The following SELP variants were observed in gnomAD, a reference collection of about 807,000 sequenced individuals.
The protein encoded by SELP is selectin P, also known as P-selectin.
A neutral mutation model predicts 104.1 loss-of-function variants in SELP; 92 were observed. The observed-to-expected ratio is 0.88, with a 90% confidence interval of 0.75 to 1.05. SELP has a LOEUF of 1.05. SELP is among the 50% of genes least tolerant of loss of function. The pLI is 0.00. For synonymous variants in SELP, 397 were observed against 364.5 expected (o/e 1.09, Z -1.01); for missense variants, 1,022 against 1,017.3 (o/e 1.00, Z -0.06).
At chr1:169,621,492 C>T (rs1268962475) in intron 1 of SELP, among the ~76,000 whole-genome samples, 1 of 145,796 alleles carries the variant, frequency 6.9e-6, no homozygotes, top group Non-Finnish European at 1.5e-5. Context: ...ATGTAGGGTG[C>T]ATGGGACAGT....
At chr1:169,620,699 A>C (rs1248306120) in intron 1 of SELP, among the ~76,000 whole-genome samples, 1 of 151,494 alleles carries the variant, frequency 6.6e-6, no homozygotes, top group Admixed American at 6.6e-5. Context: ...CCAGTGATGG[A>C]TGATGTAGCG....
chr1:169,611,253 G>C (rs1374790034), intron 7 of SELP, among the ~76,000 whole-genome samples: 1 of 152,138 alleles, frequency 6.6e-6, no homozygotes, highest in Non-Finnish European at 1.5e-5. Flanking sequence ...GAAGCTCTAT[G>C]CTAGGTACTT....
chr1:169,619,272 C>A (rs1407659888), intron 1 of SELP, 53 bp from the exon 2 acceptor site: 8 of 1,270,132 alleles, frequency 6.3e-6, no homozygotes, highest in African/African-American at 1.5e-5. Context: ...ACCAACATGG[C>A]CAAAAATAAT....
chr1:169,619,821 T>G (rs906788441), intron 1 of SELP, among the ~76,000 whole-genome samples: 7 of 152,204 alleles, frequency 4.6e-5, no homozygotes, highest in African/African-American at 1.7e-4. Flanking sequence ...ATATATGCAG[T>G]AAACTTGTTC....
rs576178837 is a variant in SELP, at chr1:169,605,489, G to T, written c.1519+1460C>A. On this transcript the variant is annotated intron_variant, in intron 9 of 16. Coordinates refer to ENST00000263686, the MANE Select transcript of SELP (RefSeq NM_003005.4). Reference sequence around the variant, plus strand: ...GCTTAACAATGGGGTGTGTGTGTGGGGGGTGTGTGTGTGTGTATGTGATTA... The same window carrying T: ...GCTTAACAATGGGGTGTGTGTGTGGTGGGTGTGTGTGTGTGTATGTGATTA... 7.6e-3 allele frequency among the ~76,000 whole-genome samples: 1,144 copies of T among 151,110 alleles called. 18 individuals are homozygous for T. Among genetic ancestry groups the T allele is most frequent in the African/African-American group, 0.026 (1,094 of 41,312 alleles).
chr1:169,605,526 G>T lies in SELP; in HGVS notation c.1519+1423C>A, dbSNP rs1230793068. ...TGTGTATGTGATTATGCTTTTGTGT[G>T]ACCTGAATAGTGAGTGGTTTCCTTT... On this transcript the variant is annotated intron_variant, in intron 9 of 16. Transcript: ENST00000263686. 2.0e-5 allele frequency among the ~76,000 whole-genome samples: 3 copies of T among 152,040 alleles called. No individual in the cohort carries two copies. In the East Asian group the frequency reaches 5.8e-4, roughly 29 times the overall value.
chr1:169,628,000 T>A (rs764199), intron 1 of SELP, among the ~76,000 whole-genome samples: 90,817 of 152,052 alleles, frequency 0.6, 28,101 homozygotes, highest in African/African-American at 0.75. Flanking sequence ...GGTTCAAGAG[T>A]TTGTCCTGCC....
At chr1:169,624,165 G>A (rs1001916480) in intron 1 of SELP, among the ~76,000 whole-genome samples, 3 of 152,186 alleles carry the variant, frequency 2.0e-5, no homozygotes, top group Non-Finnish European at 4.4e-5. Flanking sequence ...TTGAGTAACA[G>A]TTTTCCTCTG....
intron 5 of SELP, 103 bp from the exon 6 acceptor site, chr1:169,612,505 A>T: frequency 9.1e-7 from 1 of 1,098,136 alleles, no homozygotes; most frequent in South Asian, 1.4e-5. Flanking sequence ...CCAAAGTGGC[A>T]GGCAGGTTGA....
At chr1:169,605,484 T>G (rs2205894) in intron 9 of SELP, among the ~76,000 whole-genome samples, 46,868 of 145,880 alleles carry the variant, frequency 0.32, 9,804 homozygotes, top group East Asian at 0.9. Context: ...GGGGTGTGTG[T>G]GTGGGGGGTG....
intron 12 of SELP, 56 bp downstream of exon 12, chr1:169,595,869 A>G (rs913021146): frequency 6.6e-7 from 1 of 1,511,496 alleles, no homozygotes; most frequent in African/African-American, 1.4e-5. Flanking sequence ...CACAATGGCT[A>G]GCTTGAGTAC....
At chr1:169,629,728 C>T (rs965359423) in intron 1 of SELP, among the ~76,000 whole-genome samples, 3 of 152,138 alleles carry the variant, frequency 2.0e-5, no homozygotes, top group Non-Finnish European at 4.4e-5. Context: ...CTCAGAGAGC[C>T]CCTATAAATT....
chr1:169,605,238 G>C (rs1250988088), intron 9 of SELP, among the ~76,000 whole-genome samples: 1 of 152,160 alleles, frequency 6.6e-6, no homozygotes, highest in South Asian at 2.1e-4. Context: ...TGGACTTTGT[G>C]ATATGTCCAG....
rs3917677 is a variant in SELP, at chr1:169,622,970, A to C, written c.4-3751T>G. On this transcript the variant is annotated intron_variant, in intron 1 of 16. Coordinates refer to ENST00000263686, the MANE Select transcript of SELP (RefSeq NM_003005.4). ...AATTATGTAACAATTTTATTTTTAC[A>C]GTCTAATTTTTGTAATACACTGGAA... Among the ~76,000 whole-genome samples, 651 of 152,332 alleles carry C rather than the reference A, an allele frequency of 4.3e-3. 6 individuals carry two copies. Among genetic ancestry groups the C allele is most frequent in the African/African-American group, 0.015 (613 of 41,576 alleles).
At position 169,591,244 on chromosome 1, in the gene SELP, A is replaced by C. The variant is rs376547118; in HGVS notation, c.2438+182T>G. ...ATAAATTACTTTTCATTTTATTCCT[A>C]CTTTATATTTTAATTAGAATATTTG... On this transcript the variant is annotated intron_variant, in intron 15 of 16. Coordinates refer to ENST00000263686, the MANE Select transcript of SELP (RefSeq NM_003005.4). 7.9e-5 allele frequency among the ~76,000 whole-genome samples: 12 copies of C among 152,280 alleles called. No individual in the cohort carries two copies. The South Asian group carries it at 2.5e-3, about 32-fold the overall frequency.
At chr1:169,618,627 T>C (rs1233604998) in intron 2 of SELP, among the ~76,000 whole-genome samples, 1 of 152,202 alleles carries the variant, frequency 6.6e-6, no homozygotes, top group African/African-American at 2.4e-5. Flanking sequence ...TGCTTGTACC[T>C]CCCTTGCTGA....
Position 169,617,141 on chromosome 1 carries a change from T to A in SELP, c.368A>T (p.Asn123Ile), listed in dbSNP as rs1369811716. ...GCAGTCCTCGTTGTTCCTTTTGTTG[T>A]TAGGTTCATTATCAGCCCAGTTCTC... ...EAENWADNEP[N>I]NKRNNEDCVE... The change falls in exon 3 of 17, where the codon AAC (asparagine) becomes ATC (isoleucine). Residue 123 changes from asparagine (N) to isoleucine (I), a missense_variant. Asn to Ile is a moderately radical substitution (Grantham distance 149, BLOSUM62 -3). Transcript: ENST00000263686. 2 of 1,614,020 alleles carry A rather than the reference T, an allele frequency of 1.2e-6. No individual in the cohort carries two copies. Among genetic ancestry groups the A allele is most frequent in the East Asian group, 2.2e-5 (1 of 44,894 alleles).
chr1:169,617,441 G>T (rs1662878367), intron 2 of SELP, 27 bp from the exon 3 acceptor site: 2 of 1,599,024 alleles, frequency 1.3e-6, no homozygotes, highest in East Asian at 2.2e-5. Flanking sequence ...TGAGTGCCAG[G>T]TTAGTACCCC....
intron 7 of SELP, among the ~76,000 whole-genome samples, chr1:169,610,563 G>C (rs905983855): frequency 6.6e-6 from 1 of 152,144 alleles, no homozygotes; most frequent in African/African-American, 2.4e-5. Flanking sequence ...TTGAGAGGCT[G>C]ATGTGAGTGA....
Sources: gnomAD v4.1 joint callset for allele counts (sites outside exome capture counted in the v4.1 genomes callset) on GRCh38, gnomAD v4.1.1 for gene constraint, MANE v1.5 for transcripts, NCBI Gene and HGNC (gene_info 2026-07-23, HGNC 2026-07-21) for gene names.